ANKRD35: variants seen among roughly 807,000 people sequenced by gnomAD.
ANKRD35 encodes the protein ankyrin repeat domain 35.
ANKRD35 carries 102 observed loss-of-function variants against 109.9 expected under a neutral mutation model. The observed-to-expected ratio is 0.93, with a 90% CI of 0.79 to 1.09. ANKRD35 has a LOEUF of 1.09. Among genes scored for constraint, ANKRD35 ranks in the 50% least tolerant of loss-of-function variants. The pLI, the probability that ANKRD35 is intolerant of heterozygous loss-of-function variation, is 0.00. For missense variants in ANKRD35, 1,240 were observed against 1,230.1 expected (o/e 1.01, Z -0.12); for synonymous variants, 515 against 512.4 (o/e 1.01, Z -0.07).
At chr1:145,881,231 G>A (rs1654274180) in intron 1 of ANKRD35, among the ~76,000 whole-genome samples, 1 of 152,180 alleles carries the variant, frequency 6.6e-6, no homozygotes, top group South Asian at 2.1e-4. Context: ...GTTGCAGTGA[G>A]CTGAGATTGC....
In ANKRD35 at chr1:145,873,681, C is replaced by G. The variant is rs782683294; in HGVS notation, c.1088G>C (p.Arg363Pro). 6.2e-7 allele frequency: 1 copy of G among 1,614,008 alleles called. No homozygotes were observed. The highest frequency in any genetic ancestry group is 1.3e-5 in the African/African-American group (1 of 74,922). The change falls in exon 10 of 14, where the codon CGG becomes CCG. Residue 363 changes from arginine (R) to proline (P), a missense_variant. Arg to Pro is a moderately radical substitution (Grantham distance 103). Transcript: ENST00000355594. ...RASGKQGSSLRPGGDGMEQGC... is the reference protein window; with the variant it reads ...RASGKQGSSLPPGGDGMEQGC... The stretch of plus-strand genomic sequence containing the variant: ...CTGCTCCATGCCATCCCCTCCAGGC[C>G]GGAGACTAGAGCCTTGCTTTCCTGA...
At chr1:145,867,634 G>T (rs1434680765) in intron 12 of ANKRD35, among the ~76,000 whole-genome samples, 3 of 152,126 alleles carry the variant, frequency 2.0e-5, no homozygotes, top group Admixed American at 2.0e-4. Context: ...TACACAATAG[G>T]TGTTCATTCC....
In ANKRD35 at chr1:145,867,289, C is replaced by G; in HGVS notation, c.*41G>C. On this transcript the variant is annotated splice_region_variant and 3_prime_UTR_variant, in exon 13 of 14. Transcript: ENST00000355594. ...ATCACCCTTAACCCACAACTCACAA[C>G]AGAGAATCTCGTATCCCTGAGGGCA... The G allele has an allele frequency of 6.3e-7, 1 of 1,592,912 alleles. No homozygotes were observed. The highest frequency in any genetic ancestry group is 8.6e-7 in the Non-Finnish European group (1 of 1,161,098).
At chr1:145,869,270 C>T (rs587643676) in intron 10 of ANKRD35, among the ~76,000 whole-genome samples, 2 of 152,034 alleles carry the variant, frequency 1.3e-5, no homozygotes, top group East Asian at 1.9e-4. Flanking sequence ...GCAACATCTG[C>T]CTCCAGGTTC....
chr1:145,869,923 C>T (rs1653747095), intron 10 of ANKRD35, among the ~76,000 whole-genome samples: 1 of 152,176 alleles, frequency 6.6e-6, no homozygotes, highest in Non-Finnish European at 1.5e-5. Context: ...AGATCCTAAC[C>T]TACTCCTGGC....
intron 10 of ANKRD35, among the ~76,000 whole-genome samples, chr1:145,871,443 G>A (rs1653816670): frequency 6.6e-6 from 1 of 151,980 alleles, no homozygotes; most frequent in South Asian, 2.1e-4. Flanking sequence ...GATTACAGGC[G>A]TGAGCCACCG....
intron 10 of ANKRD35, 111 bp from the exon 11 acceptor site, chr1:145,868,511 A>G (rs1653689111): frequency 9.4e-6 from 8 of 848,226 alleles, no homozygotes; most frequent in Admixed American, 2.6e-5. Context: ...TTTTATACAA[A>G]TTGTCTCATT....
Position 145,879,304 on chromosome 1 carries a change from T to C in ANKRD35, c.124A>G (p.Arg42Gly), listed in dbSNP as rs1472218612. Residue 42 changes from arginine to glycine, a missense_variant, in exon 2 of 14, where the codon AGG becomes GGG. Arg to Gly is a moderately radical substitution (Grantham distance 125). Transcript: ENST00000355594. Reference protein sequence around the residue: ...DVGRVAALASRKSARPTKLDS... With the variant: ...DVGRVAALASGKSARPTKLDS... ...AGCTTGGTGGGTCGGGCAGATTTCCTGGAGGCCAGGGCAGCCACGCGTCCC... is the reference window on the plus strand; with the variant it reads ...AGCTTGGTGGGTCGGGCAGATTTCCCGGAGGCCAGGGCAGCCACGCGTCCC... The C allele has an allele frequency of 1.9e-6, 3 of 1,611,836 alleles. No individual in the cohort carries two copies. Among genetic ancestry groups the C allele is most frequent in the African/African-American group, 2.7e-5 (2 of 74,754 alleles).
chr1:145,876,725 G>C, intron 5 of ANKRD35, 86 bp from the exon 6 acceptor site: 1 of 1,608,596 alleles, frequency 6.2e-7, no homozygotes, highest in Non-Finnish European at 8.5e-7. Flanking sequence ...CCATTTCATT[G>C]GTTGGCCCTG....
At chr1:145,868,457 G>C in intron 10 of ANKRD35, 57 bp from the exon 11 acceptor site, 1 of 1,492,936 alleles carries the variant, frequency 6.7e-7, no homozygotes, top group Non-Finnish European at 9.3e-7. Flanking sequence ...CTCCCACAAG[G>C]GTCAAGGTCA....
At chr1:145,885,620 TAAAAA>T in intron 1 of ANKRD35, 95 bp downstream of exon 1, 2 of 1,377,480 alleles carry the variant, frequency 1.5e-6, no homozygotes, top group Non-Finnish European at 2.0e-6. Context: ...GAAAGACTGA[TAAAAA>T]GAAAAGGCGA....
chr1:145,870,597 A>G (rs927141357), intron 10 of ANKRD35, among the ~76,000 whole-genome samples: 6 of 152,146 alleles, frequency 3.9e-5, no homozygotes, highest in Non-Finnish European at 8.8e-5. Context: ...TTCTCCTTCA[A>G]TGCAACATAA....
intron 1 of ANKRD35, among the ~76,000 whole-genome samples, chr1:145,884,689 C>T (rs1570811485): frequency 6.6e-6 from 1 of 151,878 alleles, no homozygotes; most frequent in African/African-American, 2.4e-5. Context: ...CTGCTGGGAA[C>T]TCTGAGTCTG....
intron 1 of ANKRD35, among the ~76,000 whole-genome samples, chr1:145,883,742 A>G (rs1294150702): frequency 6.6e-6 from 1 of 152,228 alleles, no homozygotes; most frequent in Non-Finnish European, 1.5e-5. Context: ...ATGGTTCCAG[A>G]GTAGTTTGCC....
In ANKRD35 at chr1:145,873,895, C is replaced by G. The variant is rs1653957292; in HGVS notation, c.874G>C (p.Asp292His). 1 of 1,614,214 alleles carries G rather than the reference C, an allele frequency of 6.2e-7. No individual in the cohort carries two copies. The highest frequency in any genetic ancestry group is 8.5e-7 in the Non-Finnish European group (1 of 1,180,026). The change falls in exon 10 of 14, where the codon GAC becomes CAC. Residue 292 changes from aspartate (D) to histidine (H), a missense_variant. Asp to His is a moderately conservative substitution (Grantham distance 81). Transcript: ENST00000355594. ...CACCTCCACTCCTCCGAGCACGGGT[C>G]TTCATCCTCCTTCTCCTCTTGCTCC... ...EEEQEEKEDE[D>H]PCSEEWRWKY...
chr1:145,869,065 A>T (rs1202252910), intron 10 of ANKRD35, among the ~76,000 whole-genome samples: 9 of 152,090 alleles, frequency 5.9e-5, no homozygotes, highest in East Asian at 1.9e-4. Flanking sequence ...TAACCAATTA[A>T]AAAAAAAGCT....
chr1:145,878,142 G>A, intron 3 of ANKRD35, 110 bp from the exon 4 acceptor site: 1 of 1,137,710 alleles, frequency 8.8e-7, no homozygotes, highest in Non-Finnish European at 1.3e-6. Context: ...AGGGAGAGAA[G>A]CTTTCAGCCA....
At chr1:145,877,825 G>T in intron 4 of ANKRD35, 143 bp downstream of exon 4, 1 of 743,120 alleles carries the variant, frequency 1.3e-6, no homozygotes. Flanking sequence ...ATAAATGTTG[G>T]CAAACAAATG....
chr1:145,883,687 G>A (rs1386667252), intron 1 of ANKRD35, among the ~76,000 whole-genome samples: 2 of 152,176 alleles, frequency 1.3e-5, no homozygotes, highest in Non-Finnish European at 2.9e-5. Flanking sequence ...GGGAAGCCAG[G>A]CTTTTGGAGT....
Sources: gnomAD v4.1 joint callset for allele counts (sites outside exome capture counted in the v4.1 genomes callset) on GRCh38, gnomAD v4.1.1 for gene constraint, MANE v1.5 for transcripts, NCBI Gene and HGNC (gene_info 2026-07-23, HGNC 2026-07-21) for gene names.